TENM3: variants seen among roughly 807,000 people sequenced by gnomAD.
TENM3 encodes the protein teneurin-3.
Under a neutral mutation model 255.1 loss-of-function variants are expected in TENM3, and 63 were observed. The ratio of observed to expected loss-of-function variants is 0.25; its 90% CI spans 0.20 to 0.30. The LOEUF (loss-of-function observed/expected upper bound fraction) is 0.30. Among genes scored for constraint, TENM3 ranks in the 10% least tolerant of loss-of-function variants. The probability of loss-of-function intolerance (pLI) is 1.00; values close to 1 mark genes in which losing one functional copy is unlikely to be tolerated. For synonymous variants in TENM3, 1,306 were observed against 1,322.3 expected, an observed-to-expected ratio of 0.99 and a Z score of 0.27; for missense variants, 2,929 against 3,461.1, an observed-to-expected ratio of 0.85 and a Z score of 3.86.
chr4:181,665,946 AC>A, the TENM3 span, among the ~76,000 whole-genome samples: 2 of 152,102 alleles, frequency 1.3e-5, no homozygotes, highest in African/African-American at 4.8e-5. Flanking sequence ...AAAAACTTAC[AC>A]CTATATATTG....
chr4:181,824,489 T>C, the TENM3 span, among the ~76,000 whole-genome samples: 2 of 152,140 alleles, frequency 1.3e-5, no homozygotes, highest in African/African-American at 4.8e-5. Context: ...TTGGTAGTGA[T>C]ATAGCACTAT....
At chr4:182,162,419 C>T (rs890426619) in intron 1 of TENM3, among the ~76,000 whole-genome samples, 5 of 152,090 alleles carry the variant, frequency 3.3e-5, no homozygotes, top group African/African-American at 7.2e-5. Context: ...GACAAACTAA[C>T]ACTGTGAGCT....
rs1402817631 is a variant in TENM3 at position 182,802,778 on chromosome 4, C to G, written c.*2427C>G. The G allele has an allele frequency of 7.6e-6, 1 of 131,820 alleles. No individual in the cohort carries two copies. Among genetic ancestry groups the G allele is most frequent in the African/African-American group, 3.0e-5 (1 of 33,870 alleles). The allele number at this position is 131,820 out of a possible 1,614,324, so 8.2% of individuals were successfully genotyped here. A position where few individuals can be genotyped will look rare whatever the true frequency, so the allele number is the denominator to read the frequency against. On this transcript the variant is annotated 3_prime_UTR_variant, in exon 28 of 28. Transcript: ENST00000511685. The stretch of plus-strand genomic sequence containing the variant: ...GAATATGTAAACAAAAGACCTTTTT[C>G]TAAGAGTTGGGAGGGGGTGGGGGAC...
At chr4:182,013,406 C>T in the TENM3 span, among the ~76,000 whole-genome samples, 1 of 152,214 alleles carries the variant, frequency 6.6e-6, no homozygotes, top group Non-Finnish European at 1.5e-5. Flanking sequence ...TTGTTCAATG[C>T]ACATTGCAAC....
At chr4:182,503,705 C>T (rs908432303) in intron 3 of TENM3, among the ~76,000 whole-genome samples, 30 of 151,558 alleles carry the variant, frequency 2.0e-4, no homozygotes, top group African/African-American at 7.2e-4. Flanking sequence ...AGCCAATGCA[C>T]TTAAAGCTTC....
At chr4:181,472,273 G>A in the TENM3 span, among the ~76,000 whole-genome samples, 7 of 152,162 alleles carry the variant, frequency 4.6e-5, no homozygotes, top group Non-Finnish European at 1.0e-4. Flanking sequence ...AGAGGACAGT[G>A]GAGATGGAAA....
chr4:181,681,529 G>A, the TENM3 span, among the ~76,000 whole-genome samples: 2 of 152,064 alleles, frequency 1.3e-5, no homozygotes, highest in Non-Finnish European at 2.9e-5. Context: ...TTGCCTAGAT[G>A]CAATATCCTT....
At chr4:182,330,353 G>T (rs373470256) in intron 2 of TENM3, among the ~76,000 whole-genome samples, 15 of 152,206 alleles carry the variant, frequency 9.9e-5, no homozygotes, top group African/African-American at 3.4e-4. Flanking sequence ...GGATTGAATG[G>T]TGATAAACTG....
intron 1 of TENM3, among the ~76,000 whole-genome samples, chr4:182,264,550 GACTGT>G (rs1159149837): frequency 1.3e-5 from 2 of 152,216 alleles, no homozygotes; most frequent in East Asian, 1.9e-4. Context: ...AAAAGACAGA[GACTGT>G]CCTGTGCTGT....
chr4:182,195,531 T>C (rs1319109979), intron 1 of TENM3, among the ~76,000 whole-genome samples: 1 of 152,028 alleles, frequency 6.6e-6, no homozygotes, highest in Non-Finnish European at 1.5e-5. Context: ...TCCCAGCTGC[T>C]CTGGAGCCTG....
chr4:182,535,313 T>C (rs1265771751), intron 3 of TENM3, among the ~76,000 whole-genome samples: 1 of 152,232 alleles, frequency 6.6e-6, no homozygotes, highest in Admixed American at 6.5e-5. Flanking sequence ...GTTCTGAAAT[T>C]CTTGTTGGTA....
the TENM3 span, among the ~76,000 whole-genome samples, chr4:181,631,719 A>G: frequency 6.6e-6 from 1 of 152,176 alleles, no homozygotes; most frequent in East Asian, 1.9e-4. Flanking sequence ...CACCTTTGCT[A>G]TACAAAATGA....
intron 4 of TENM3, among the ~76,000 whole-genome samples, chr4:182,612,211 G>A (rs1478461999): frequency 6.6e-6 from 1 of 150,542 alleles, no homozygotes; most frequent in Non-Finnish European, 1.5e-5. Flanking sequence ...GGCGGAGGTT[G>A]CAATGAGCCA....
chr4:182,661,525 T>C (rs1754230354), intron 6 of TENM3, among the ~76,000 whole-genome samples: 1 of 152,194 alleles, frequency 6.6e-6, no homozygotes, highest in African/African-American at 2.4e-5. Flanking sequence ...GTGTAATAGC[T>C]CCTTAATTAG....
intron 3 of TENM3, among the ~76,000 whole-genome samples, chr4:182,413,638 A>G (rs761162272): frequency 3.9e-5 from 6 of 152,062 alleles, no homozygotes; most frequent in Non-Finnish European, 7.4e-5. Flanking sequence ...CACATTATCT[A>G]CAAAAGAACA....
At chr4:182,073,742 C>T in the TENM3 span, among the ~76,000 whole-genome samples, 2 of 152,170 alleles carry the variant, frequency 1.3e-5, no homozygotes, top group Admixed American at 6.5e-5. Context: ...TGTGTAACTA[C>T]TCAGTCTTGC....
chr4:181,668,854 G>A, the TENM3 span, among the ~76,000 whole-genome samples: 4 of 151,942 alleles, frequency 2.6e-5, no homozygotes, highest in South Asian at 2.1e-4. Flanking sequence ...TCTCTTATTC[G>A]AAAACGTCAA....
At chr4:181,936,879 C>T in the TENM3 span, among the ~76,000 whole-genome samples, 6 of 151,934 alleles carry the variant, frequency 3.9e-5, no homozygotes, top group African/African-American at 1.5e-4. Context: ...GCTCTAGGCG[C>T]AAAGGGGGAA....
chr4:182,656,950 G>A (rs4283714), intron 6 of TENM3, among the ~76,000 whole-genome samples: 52,467 of 151,932 alleles, frequency 0.35, 10,806 homozygotes, highest in African/African-American at 0.54. Context: ...TATCAGAAGC[G>A]TAGGGTCTTA....
Sources: gnomAD v4.1 joint callset for allele counts (sites outside exome capture counted in the v4.1 genomes callset) on GRCh38, gnomAD v4.1.1 for gene constraint, MANE v1.5 for transcripts, NCBI Gene and HGNC (gene_info 2026-07-23, HGNC 2026-07-21) for gene names.